Variants in OXSR1 observed in about 807,000 individuals in gnomAD.
The protein encoded by OXSR1 is oxidative stress responsive kinase 1, also known as serine/threonine-protein kinase OSR1.
In OXSR1, 24 loss-of-function variants were observed where a neutral mutation model predicts 79.8. The ratio of observed to expected loss-of-function variants is 0.30; its 90% CI spans 0.22 to 0.42. The LOEUF is 0.42. Among genes scored for constraint, OXSR1 ranks in the 10% least tolerant of loss-of-function variants. The pLI, the probability that OXSR1 is intolerant of heterozygous loss-of-function variation, is 1.00. For missense variants in OXSR1, 430 were observed against 618.4 expected (o/e 0.70, Z 3.23); for synonymous variants, 226 against 209.2 (o/e 1.08, Z -0.69).
At chr3:38,207,021 A>T (rs1702275856) in intron 4 of OXSR1, among the ~76,000 whole-genome samples, 1 of 152,274 alleles carries the variant, frequency 6.6e-6, no homozygotes, top group African/African-American at 2.4e-5. Flanking sequence ...GCACACAAGA[A>T]TCAGTGAACG....
chr3:38,220,294 C>G (rs1168865886), intron 5 of OXSR1, among the ~76,000 whole-genome samples: 2 of 152,116 alleles, frequency 1.3e-5, no homozygotes, highest in African/African-American at 4.8e-5. Context: ...GTTTGCCATG[C>G]TAAAATTAGC....
chr3:38,235,626 A>C (rs959713039), intron 10 of OXSR1, among the ~76,000 whole-genome samples: 1 of 152,230 alleles, frequency 6.6e-6, no homozygotes, highest in African/African-American at 2.4e-5. Flanking sequence ...TACTGGAGGC[A>C]AAAAGAAGAC....
chr3:38,191,367 A>T (rs1245410409), intron 3 of OXSR1, among the ~76,000 whole-genome samples: 2 of 152,020 alleles, frequency 1.3e-5, no homozygotes, highest in South Asian at 2.1e-4. Flanking sequence ...TGCCTGGTCT[A>T]AATCTCTCTT....
At chr3:38,208,374 A>G (rs1451444067) in intron 4 of OXSR1, among the ~76,000 whole-genome samples, 1 of 152,180 alleles carries the variant, frequency 6.6e-6, no homozygotes, top group Admixed American at 6.5e-5. Context: ...ATTAAGTCAA[A>G]ACTGAACGAT....
chr3:38,217,866 C>T (rs921371241), intron 5 of OXSR1, among the ~76,000 whole-genome samples: 5 of 152,138 alleles, frequency 3.3e-5, no homozygotes, highest in Non-Finnish European at 1.5e-5. Context: ...TGAACTCATA[C>T]AATATTTGTC....
intron 2 of OXSR1, 86 bp from the exon 3 acceptor site, chr3:38,190,645 G>GA: frequency 3.9e-6 from 3 of 764,770 alleles, no homozygotes; most frequent in Non-Finnish European, 6.8e-6. Flanking sequence ...ACACAGTCTT[G>GA]AGATTTCAAA....
chr3:38,203,515 A>T (rs888293269), intron 4 of OXSR1, among the ~76,000 whole-genome samples: 7 of 152,216 alleles, frequency 4.6e-5, no homozygotes, highest in East Asian at 1.9e-4. Context: ...GGTTAATTTA[A>T]AAAAAATTTT....
chr3:38,241,876 T>C (rs1243762705), intron 11 of OXSR1, among the ~76,000 whole-genome samples: 1 of 151,750 alleles, frequency 6.6e-6, no homozygotes, highest in Non-Finnish European at 1.5e-5. Flanking sequence ...ACCTGAACTT[T>C]GATTACTCCT....
chr3:38,223,011 G>T (rs1702619447), intron 6 of OXSR1, among the ~76,000 whole-genome samples: 1 of 152,118 alleles, frequency 6.6e-6, no homozygotes, highest in Non-Finnish European at 1.5e-5. Context: ...CACTGTTGGT[G>T]AACATTCAGT....
chr3:38,232,429 G>A (rs553460335), intron 10 of OXSR1, among the ~76,000 whole-genome samples: 7 of 151,586 alleles, frequency 4.6e-5, no homozygotes, highest in African/African-American at 1.7e-4. Flanking sequence ...CCACCCTCCT[G>A]CCAAAAATTA....
intron 3 of OXSR1, chr3:38,193,381 C>T (rs1416124455): frequency 1.6e-6 from 2 of 1,288,334 alleles, no homozygotes; most frequent in South Asian, 1.2e-5. Flanking sequence ...GGTGGTCAAG[C>T]ATGGTTCTTT....
At chr3:38,166,291 A>G (rs1701454589) in intron 1 of OXSR1, among the ~76,000 whole-genome samples, 1 of 152,094 alleles carries the variant, frequency 6.6e-6, no homozygotes, top group African/African-American at 2.4e-5. Flanking sequence ...TGTGTGAGAA[A>G]TGGGATCTTG....
intron 1 of OXSR1, among the ~76,000 whole-genome samples, chr3:38,166,789 C>CAAAAAAAAAAAA (rs915290107): frequency 3.1e-5 from 2 of 63,822 alleles, no homozygotes; most frequent in Non-Finnish European, 3.1e-5. Flanking sequence ...GACTCTGACT[C>CAAAAAAAAAAAA]AAAAAAAAAA....
intron 12 of OXSR1, among the ~76,000 whole-genome samples, chr3:38,244,792 C>G (rs1479255651): frequency 6.6e-6 from 1 of 152,026 alleles, no homozygotes; most frequent in Admixed American, 6.6e-5. Context: ...ACCCTGCTTT[C>G]AATTCTTTGG....
chr3:38,222,028 C>T (rs1451563323), intron 6 of OXSR1, among the ~76,000 whole-genome samples: 3 of 152,096 alleles, frequency 2.0e-5, no homozygotes. Context: ...ATTTCTAGTT[C>T]TTAATAGATG....
chr3:38,183,165 C>T (rs1478930492), intron 2 of OXSR1, 50 bp downstream of exon 2: 3 of 873,630 alleles, frequency 3.4e-6, no homozygotes, highest in Non-Finnish European at 5.3e-6. Context: ...CATATATTCA[C>T]ATTACAATGG....
chr3:38,246,250 A>G, intron 13 of OXSR1, 29 bp downstream of exon 13: 6 of 1,610,982 alleles, frequency 3.7e-6, no homozygotes, highest in Non-Finnish European at 5.1e-6. Context: ...TTTCATGGTC[A>G]CTCCTTTGGA....
At chr3:38,228,347 C>T (rs1702733455) in intron 8 of OXSR1, among the ~76,000 whole-genome samples, 1 of 152,054 alleles carries the variant, frequency 6.6e-6, no homozygotes, top group Non-Finnish European at 1.5e-5. Flanking sequence ...TATTGAGAAG[C>T]AATTGTTGAG....
chr3:38,168,978 C>T (rs1287367130), intron 1 of OXSR1, among the ~76,000 whole-genome samples: 1 of 152,100 alleles, frequency 6.6e-6, no homozygotes, highest in Admixed American at 6.5e-5. Flanking sequence ...GGATGTATAC[C>T]CAGGAGTGGA....
Sources: allele counts gnomAD v4.1 joint callset (sites outside exome capture counted in the v4.1 genomes callset), GRCh38; gene constraint gnomAD v4.1.1; transcripts MANE v1.5; gene names NCBI Gene and HGNC (gene_info 2026-07-23, HGNC 2026-07-21).